ERC2: variants seen among roughly 807,000 people sequenced by gnomAD.
ERC2 encodes ERC protein 2.
In ERC2, 42 loss-of-function variants were observed where a neutral mutation model predicts 114.8. That is an observed-to-expected ratio of 0.37 (90% confidence interval 0.29 to 0.47). ERC2 has a LOEUF of 0.47. ERC2 is among the 20% of genes least tolerant of loss of function. The pLI is 0.99. For missense variants in ERC2, 939 were observed against 1,150.7 expected, an observed-to-expected ratio of 0.82 and a Z score of 2.66; for synonymous variants, 454 against 425.5, an observed-to-expected ratio of 1.07 and a Z score of -0.82.
chr3:55,667,256 G>C (rs1309511582), intron 17 of ERC2, among the ~76,000 whole-genome samples: 1 of 152,202 alleles, frequency 6.6e-6, no homozygotes, highest in Non-Finnish European at 1.5e-5. Context: ...AGGGAAGATA[G>C]TGCTCATCTT....
chr3:55,759,860 TA>T (rs1287471301), intron 14 of ERC2, among the ~76,000 whole-genome samples: 9 of 152,214 alleles, frequency 5.9e-5, no homozygotes, highest in African/African-American at 2.2e-4. Flanking sequence ...CATGAGTAAT[TA>T]AATTGTGCTT....
chr3:56,446,800 A>G (rs187879371), intron 1 of ERC2, among the ~76,000 whole-genome samples: 181 of 150,032 alleles, frequency 1.2e-3, no homozygotes, highest in Non-Finnish European at 2.1e-3. Flanking sequence ...TAATTTTTGT[A>G]TTTTGGGGTA....
rs568886593 is a variant in ERC2, at chr3:55,778,944, TA to T, written c.2565-44027del. 1.1e-4 allele frequency among the ~76,000 whole-genome samples: 16 copies of T among 151,444 alleles called. No homozygotes were observed. In the East Asian group the frequency reaches 3.1e-3, roughly 29 times the overall value. On this transcript the variant is annotated intron_variant, in intron 14 of 17. Coordinates refer to ENST00000288221, the MANE Select transcript of ERC2 (RefSeq NM_015576.3). ...CAAAAAGGCAAGGGAATAGAACAGA[TA>T]AAGAAGAGATTGGAATAATGACAAT...
chr3:55,862,431 A>G (rs944247668), intron 14 of ERC2, among the ~76,000 whole-genome samples: 1 of 152,108 alleles, frequency 6.6e-6, no homozygotes, highest in African/African-American at 2.4e-5. Context: ...GTTGGGACAC[A>G]GATGTGATGG....
intron 14 of ERC2, among the ~76,000 whole-genome samples, chr3:55,779,083 G>T (rs2068818487): frequency 6.6e-6 from 1 of 151,882 alleles, no homozygotes; most frequent in Non-Finnish European, 1.5e-5. Context: ...AAAAAAAAAT[G>T]TTGCCAAAAA....
At chr3:56,137,788 T>C (rs2080599543) in intron 6 of ERC2, among the ~76,000 whole-genome samples, 1 of 152,236 alleles carries the variant, frequency 6.6e-6, no homozygotes, top group African/African-American at 2.4e-5. Context: ...TAGCCACATG[T>C]AACTGTTAGT....
chr3:55,578,813 G>A (rs889475544), intron 17 of ERC2, among the ~76,000 whole-genome samples: 3 of 152,136 alleles, frequency 2.0e-5, no homozygotes, highest in Admixed American at 6.5e-5. Flanking sequence ...GGGCTTGGCT[G>A]GCTGTGACCT....
At chr3:56,006,590 G>T (rs2072511041) in intron 10 of ERC2, among the ~76,000 whole-genome samples, 1 of 152,068 alleles carries the variant, frequency 6.6e-6, no homozygotes, top group South Asian at 2.1e-4. Context: ...CTGGGTCAGA[G>T]AAAACATGTT....
intron 12 of ERC2, among the ~76,000 whole-genome samples, chr3:55,985,652 T>C (rs1032234954): frequency 2.0e-5 from 3 of 152,210 alleles, no homozygotes; most frequent in Non-Finnish European, 4.4e-5. Context: ...TGGCTCCACG[T>C]TGTATCATCC....
At chr3:56,038,660 A>C (rs1243619542) in intron 7 of ERC2, among the ~76,000 whole-genome samples, 1 of 152,240 alleles carries the variant, frequency 6.6e-6, no homozygotes, top group East Asian at 1.9e-4. Context: ...ACTATTCGCA[A>C]TAGCAAAGAC....
intron 14 of ERC2, among the ~76,000 whole-genome samples, chr3:55,849,386 G>A (rs1040044834): frequency 2.6e-5 from 4 of 152,164 alleles, no homozygotes; most frequent in Non-Finnish European, 5.9e-5. Context: ...GCCAGCTGAA[G>A]CATCATCTAT....
chr3:56,101,038 T>A (rs935558178), intron 6 of ERC2, among the ~76,000 whole-genome samples: 12 of 152,242 alleles, frequency 7.9e-5, no homozygotes, highest in African/African-American at 2.9e-4. Flanking sequence ...AATGGAAAGT[T>A]ATTTTCCAGG....
chr3:55,943,330 T>G (rs532457251), intron 13 of ERC2, among the ~76,000 whole-genome samples: 1 of 152,336 alleles, frequency 6.6e-6, no homozygotes, highest in South Asian at 2.1e-4. Context: ...AAAATGATAC[T>G]GCACGTGTTA....
At chr3:56,003,203 A>C in intron 10 of ERC2, 1 of 1,198,024 alleles carries the variant, frequency 8.3e-7, no homozygotes, top group South Asian at 1.3e-5. Flanking sequence ...GAAAAACAGC[A>C]TTAGCTCAAC....
intron 7 of ERC2, among the ~76,000 whole-genome samples, chr3:56,059,284 G>A (rs2076148688): frequency 6.6e-6 from 1 of 151,880 alleles, no homozygotes; most frequent in African/African-American, 2.4e-5. Flanking sequence ...AGAGACGGGG[G>A]TTTCACCTGT....
intron 14 of ERC2, among the ~76,000 whole-genome samples, chr3:55,849,584 C>A (rs1390640247): frequency 2.0e-5 from 3 of 152,194 alleles, no homozygotes; most frequent in Non-Finnish European, 4.4e-5. Flanking sequence ...CAGGAGGATG[C>A]CTTGTCCATT....
intron 2 of ERC2, among the ~76,000 whole-genome samples, chr3:56,392,626 C>A (rs972052880): frequency 6.6e-6 from 1 of 152,128 alleles, no homozygotes; most frequent in African/African-American, 2.4e-5. Context: ...GGCAAATTCT[C>A]AGATTGGGGA....
intron 6 of ERC2, among the ~76,000 whole-genome samples, chr3:56,126,165 C>T (rs960586794): frequency 6.6e-6 from 1 of 152,080 alleles, no homozygotes; most frequent in Non-Finnish European, 1.5e-5. Context: ...GATAAGGATT[C>T]CTTATTTTTA....
At chr3:56,364,477 T>A (rs900143609) in intron 2 of ERC2, among the ~76,000 whole-genome samples, 1 of 152,238 alleles carries the variant, frequency 6.6e-6, no homozygotes, top group Admixed American at 6.5e-5. Context: ...ATTGTTCACT[T>A]TAAATGGGTG....
Sources: allele counts gnomAD v4.1 joint callset (sites outside exome capture counted in the v4.1 genomes callset), GRCh38; gene constraint gnomAD v4.1.1; transcripts MANE v1.5; gene names NCBI Gene and HGNC (gene_info 2026-07-23, HGNC 2026-07-21).